Variants in LMBR1L observed in about 807,000 individuals in gnomAD.
LMBR1L encodes protein LMBR1L.
LMBR1L carries 47 observed loss-of-function variants against 67.3 expected under a neutral mutation model. The ratio of observed to expected loss-of-function variants is 0.70; its 90% confidence interval spans 0.55 to 0.89. LMBR1L has a LOEUF of 0.89. Ranked by LOEUF, LMBR1L falls within the 40% of genes least tolerant of loss-of-function variation. The pLI, the probability that LMBR1L is intolerant of heterozygous loss-of-function variation, is 0.00. For synonymous variants in LMBR1L, 247 were observed against 250.3 expected (o/e 0.99, Z 0.13); for missense variants, 533 against 599.2 (o/e 0.89, Z 1.15).
At chr12:49,108,532 A>G (rs2121067783) in intron 1 of LMBR1L, among the ~76,000 whole-genome samples, 1 of 139,038 alleles carries the variant, frequency 7.2e-6, no homozygotes, top group East Asian at 2.4e-4. Context: ...ACTGCACTCC[A>G]GCTCTGGCAA....
Position 49,105,926 on chromosome 12 carries a change from A to G in LMBR1L, c.189T>C (p.Ile63=), listed in dbSNP as rs1391797490. Residue 63 remains isoleucine (I), a splice_region_variant and synonymous_variant, in exon 3 of 17, where the codon ATT becomes ATC. Transcript: ENST00000267102. ...VDDEDATVNK[I]ALELCTFTLA... is the part of the protein sequence containing the mutation. The stretch of plus-strand genomic sequence containing the variant: ...GGTGCTGAGGCAGGGACACTTACGC[A>G]ATCTTGTTGACGGTGGCATCTTCAT... The G allele has an allele frequency of 6.2e-7, 1 of 1,612,578 alleles. No homozygotes were observed. Among genetic ancestry groups the G allele is most frequent in the Non-Finnish European group, 8.5e-7 (1 of 1,179,484 alleles).
Position 49,103,113 on chromosome 12 carries a change from G to A in LMBR1L, c.609C>T (p.Phe203=). The part of the protein sequence containing the change: ...YLPYLYSCIS[F]LGVLLLLVCT... Reference sequence around the variant, plus strand: ...CACCCAGGAGCAGCAGAACCCCAAGGAAGGAGATGCATGAGTAGAGGTAGG... The same window carrying A: ...CACCCAGGAGCAGCAGAACCCCAAGAAAGGAGATGCATGAGTAGAGGTAGG... The change falls in exon 7 of 17, where the codon TTC becomes TTT. Residue 203 remains phenylalanine (F), a synonymous_variant. Coordinates refer to ENST00000267102, the MANE Select transcript of LMBR1L (RefSeq NM_018113.4). The A allele has an allele frequency of 2.5e-6, 4 of 1,614,066 alleles. No homozygotes were observed. Among genetic ancestry groups the A allele is most frequent in the Non-Finnish European group, 3.4e-6 (4 of 1,179,970 alleles).
chr12:49,110,287 T>C, intron 1 of LMBR1L, 197 bp downstream of exon 1: 1 of 606,142 alleles, frequency 1.6e-6, no homozygotes, highest in East Asian at 2.8e-5. Flanking sequence ...CGGCCTTTGT[T>C]TATCGCTCAG....
intron 3 of LMBR1L, 120 bp from the exon 4 acceptor site, chr12:49,105,005 G>A (rs1323535209): frequency 1.8e-6 from 2 of 1,121,374 alleles, no homozygotes; most frequent in East Asian, 2.6e-5. Flanking sequence ...CAATCACAGA[G>A]CTAAGGAAGG....
intron 11 of LMBR1L, 131 bp downstream of exon 11, chr12:49,101,989 A>G (rs1009093310): frequency 4.1e-6 from 3 of 740,184 alleles, no homozygotes; most frequent in East Asian, 2.6e-5. Flanking sequence ...GGCAGGACAT[A>G]AAAGTAGGCA....
chr12:49,103,856 A>T, intron 5 of LMBR1L, 43 bp from the exon 6 acceptor site: 1 of 1,577,154 alleles, frequency 6.3e-7, no homozygotes, highest in Non-Finnish European at 8.6e-7. Flanking sequence ...ACATCAGGGC[A>T]GTGTGGGAAC....
At chr12:49,100,888 T>C (rs1291282424) in intron 13 of LMBR1L, 1 of 559,144 alleles carries the variant, frequency 1.8e-6, no homozygotes, top group Admixed American at 3.2e-5. Context: ...CCACCACGTC[T>C]GGCTAATTTT....
intron 1 of LMBR1L, among the ~76,000 whole-genome samples, chr12:49,107,674 G>A (rs1341511306): frequency 6.6e-6 from 1 of 152,190 alleles, no homozygotes; most frequent in African/African-American, 2.4e-5. Flanking sequence ...CTTTAGCTGG[G>A]GCCCAATATC....
intron 3 of LMBR1L, 134 bp downstream of exon 3, chr12:49,105,790 G>A: frequency 1.5e-6 from 1 of 676,704 alleles, no homozygotes; most frequent in Non-Finnish European, 2.5e-6. Context: ...AAAGCCGGAA[G>A]CCAGAAATGG....
chr12:49,104,811 T>G lies in LMBR1L; in HGVS notation c.266A>C (p.Asn89Thr). Residue 89 changes from asparagine to threonine, a missense_variant, in exon 4 of 17, where the codon AAT becomes ACT. Transcript: ENST00000267102. Reference sequence around the variant, plus strand: ...CCGAGGCAGGGAGAGCAGCACCTCATTGCTGATGATGGAGAAGGGCAGGAG... The same window carrying G: ...CCGAGGCAGGGAGAGCAGCACCTCAGTGCTGATGATGGAGAAGGGCAGGAG... ...VLLLPFSIIS[N>T]EVLLSLPRNY... 1.2e-6 allele frequency: 2 copies of G among 1,613,842 alleles called. No individual in the cohort carries two copies. Among genetic ancestry groups the G allele is most frequent in the Non-Finnish European group, 1.7e-6 (2 of 1,179,932 alleles).
Position 49,097,175 on chromosome 12 carries a change from T to C in LMBR1L, c.*497A>G, listed in dbSNP as rs1939501537. 1 of 155,878 alleles carries C rather than the reference T, an allele frequency of 6.4e-6. No homozygotes were observed. The highest frequency in any genetic ancestry group is 6.3e-5 in the Admixed American group (1 of 15,974). 9.7% of individuals were successfully genotyped at this position (155,878 alleles called of 1,614,324 possible). A position where few individuals can be genotyped will look rare whatever the true frequency, so the allele number is the denominator to read the frequency against. The stretch of plus-strand genomic sequence containing the variant: ...AAAGCAAACCCTGGGATCAACTTTA[T>C]TGCTGATGGCTGAAGCCTCCTCCTC... On this transcript the variant is annotated 3_prime_UTR_variant, in exon 17 of 17. Transcript: ENST00000267102.
intron 2 of LMBR1L, 195 bp downstream of exon 2, chr12:49,106,766 T>C (rs778051503): frequency 5.9e-6 from 5 of 842,650 alleles, no homozygotes; most frequent in South Asian, 5.8e-5. Context: ...AGAAATGTTA[T>C]ATGACTTGCC....
rs1390214931 is a variant in LMBR1L, at chr12:49,110,789, T to A, written c.-234A>T. ...GCTCTGTCCTCCCTTTGCTCCCCACTCTTTAAGGTCGGGTCGCGCTCACGT... is the reference window on the plus strand; with the variant it reads ...GCTCTGTCCTCCCTTTGCTCCCCACACTTTAAGGTCGGGTCGCGCTCACGT... On this transcript the variant is annotated 5_prime_UTR_variant, in exon 1 of 17. Coordinates refer to ENST00000267102, the MANE Select transcript of LMBR1L (RefSeq NM_018113.4). 1.8e-6 allele frequency: 1 copy of A among 541,318 alleles called. No individual in the cohort carries two copies. The highest frequency in any genetic ancestry group is 1.9e-5 in the African/African-American group (1 of 52,414). The allele number at this position is 541,318 out of a possible 1,614,324, so 33.5% of individuals were successfully genotyped here.
chr12:49,110,027 C>G (rs1183654948), intron 1 of LMBR1L: 1 of 460,076 alleles, frequency 2.2e-6, no homozygotes, highest in Admixed American at 2.3e-5. Flanking sequence ...AGGTTCCTCC[C>G]GTCTGCCATC....
rs187138656 is a variant in LMBR1L at position 49,107,657 on chromosome 12, C to G, written c.73-612G>C. On this transcript the variant is annotated intron_variant, in intron 1 of 16. Coordinates refer to ENST00000267102, the MANE Select transcript of LMBR1L (RefSeq NM_018113.4). Reference sequence around the variant, plus strand: ...GTCTCATTTAATCCTCTACCCCTAACAGTGGGCTTTAGCTGGGGCCCAATA... The same window carrying G: ...GTCTCATTTAATCCTCTACCCCTAAGAGTGGGCTTTAGCTGGGGCCCAATA... Among the ~76,000 whole-genome samples the G allele has an allele frequency of 3.9e-4, 60 of 152,358 alleles. 1 individual carries two copies. In the East Asian group the frequency reaches 0.011, roughly 29 times the overall value.
chr12:49,100,123 TTTA>T (rs1214436161), intron 15 of LMBR1L, among the ~76,000 whole-genome samples: 4 of 152,176 alleles, frequency 2.6e-5, no homozygotes, highest in Admixed American at 6.5e-5. Flanking sequence ...AGGAGAAAGA[TTTA>T]GAAAAGTGTG....
intron 15 of LMBR1L, among the ~76,000 whole-genome samples, chr12:49,099,189 C>T (rs1180013023): frequency 6.8e-6 from 1 of 146,598 alleles, no homozygotes; most frequent in Non-Finnish European, 1.5e-5. Flanking sequence ...TGCAGTGGTA[C>T]CATCTTGGCT....
chr12:49,101,151 CAG>C lies in LMBR1L; in HGVS notation c.1082+97_1082+98del, dbSNP rs771148362. 1.9e-6 allele frequency: 3 copies of C among 1,610,544 alleles called. No homozygotes were observed. In the South Asian group the frequency reaches 3.3e-5, roughly 18 times the overall value. On this transcript the variant is annotated intron_variant, in intron 13 of 16. Coordinates refer to ENST00000267102, the MANE Select transcript of LMBR1L (RefSeq NM_018113.4). The stretch of plus-strand genomic sequence containing the variant: ...TGCCCCACTTCCCATCAGCGTTGCT[CAG>C]AGTCCCAAAGGAGACAAAGTCCAAG...
chr12:49,101,329 G>C lies in LMBR1L; in HGVS notation c.1009-6C>G. Reference sequence around the variant, plus strand: ...ACCTGGCCTAAGGAGGTACCCTGAGGAGTGGGGCAGTATCACTGTGAGCAT... The same window carrying C: ...ACCTGGCCTAAGGAGGTACCCTGAGCAGTGGGGCAGTATCACTGTGAGCAT... On this transcript the variant is annotated splice_polypyrimidine_tract_variant and splice_region_variant and intron_variant, in intron 12 of 16. Transcript: ENST00000267102. The C allele has an allele frequency of 3.1e-6, 5 of 1,613,978 alleles. No individual in the cohort carries two copies. Among genetic ancestry groups the C allele is most frequent in the Non-Finnish European group, 4.2e-6 (5 of 1,179,874 alleles).
Sources: gnomAD v4.1 joint callset for allele counts (sites outside exome capture counted in the v4.1 genomes callset) on GRCh38, gnomAD v4.1.1 for gene constraint, MANE v1.5 for transcripts, NCBI Gene and HGNC (gene_info 2026-07-23, HGNC 2026-07-21) for gene names.